Variants in MYL1 observed in about 807,000 individuals in gnomAD.
The protein encoded by MYL1 is myosin light chain 1.
A neutral mutation model predicts 21.8 loss-of-function variants in MYL1; 16 were observed. That is an observed-to-expected ratio of 0.74 (90% confidence interval 0.50 to 1.12). MYL1 has a LOEUF of 1.12. MYL1 is among the 50% of genes most tolerant of loss of function. The pLI, the probability that MYL1 is intolerant of heterozygous loss-of-function variation, is 0.00. For missense variants in MYL1, 246 were observed against 241.0 expected, an observed-to-expected ratio of 1.02 and a Z score of -0.14; for synonymous variants, 99 against 85.2, an observed-to-expected ratio of 1.16 and a Z score of -0.89.
At chr2:210,303,869 T>A (rs1313112337) in intron 1 of MYL1, among the ~76,000 whole-genome samples, 1 of 152,220 alleles carries the variant, frequency 6.6e-6, no homozygotes, top group African/African-American at 2.4e-5. Context: ...TTGGAGCATC[T>A]TCCTTTAAGA....
At chr2:210,311,952 T>C (rs1380921600) in intron 1 of MYL1, among the ~76,000 whole-genome samples, 1 of 152,018 alleles carries the variant, frequency 6.6e-6, no homozygotes, top group Non-Finnish European at 1.5e-5. Flanking sequence ...CAAGTAAGCA[T>C]TCCTTCAGAG....
intron 1 of MYL1, chr2:210,302,847 A>G (rs1029493496): frequency 5.9e-6 from 9 of 1,533,120 alleles, no homozygotes; most frequent in African/African-American, 1.4e-5. Context: ...TTTCAAATGC[A>G]TTGACAGAAG....
intron 1 of MYL1, among the ~76,000 whole-genome samples, chr2:210,306,987 T>C (rs1385771548): frequency 6.6e-6 from 1 of 152,154 alleles, no homozygotes; most frequent in Non-Finnish European, 1.5e-5. Flanking sequence ...TGTCATCAAT[T>C]AGTTTTAAAG....
Position 210,293,767 on chromosome 2 carries a change from A to C in MYL1, c.512T>G (p.Leu171Arg), listed in dbSNP as rs1690122016. The change falls in exon 5 of 7, where the codon CTG (leucine) becomes CGG (arginine). Residue 171 changes from leucine to arginine, a missense_variant. Transcript: ENST00000352451. Reference protein sequence around the residue: ...EKMKEEEVEALMAGQEDSNGC... With the variant: ...EKMKEEEVEARMAGQEDSNGC... ...ATTGGAGTCTTCTTGACCTGCCATCAGGGCTTCCACTTCTTCCTCTTTCAT... is the reference window on the plus strand; with the variant it reads ...ATTGGAGTCTTCTTGACCTGCCATCCGGGCTTCCACTTCTTCCTCTTTCAT... 6.2e-7 allele frequency: 1 copy of C among 1,613,962 alleles called. No homozygotes were observed. Among genetic ancestry groups the C allele is most frequent in the African/African-American group, 1.3e-5 (1 of 74,930 alleles).
intron 5 of MYL1, 21 bp downstream of exon 5, chr2:210,293,702 A>G: frequency 1.9e-6 from 3 of 1,610,514 alleles, no homozygotes; most frequent in Non-Finnish European, 2.5e-6. Flanking sequence ...TGCTGTAACC[A>G]CCAGTGAGCA....
chr2:210,298,917 T>C (rs1690221514), intron 2 of MYL1, among the ~76,000 whole-genome samples: 1 of 152,134 alleles, frequency 6.6e-6, no homozygotes, highest in East Asian at 1.9e-4. Context: ...CTCATATAAT[T>C]AACAAGATTA....
intron 1 of MYL1, among the ~76,000 whole-genome samples, chr2:210,304,179 A>G (rs1048458616): frequency 2.0e-5 from 3 of 152,200 alleles, no homozygotes; most frequent in African/African-American, 7.2e-5. Context: ...ATCTCCAATT[A>G]AAGATCACTC....
At chr2:210,306,348 C>A (rs1690341762) in intron 1 of MYL1, among the ~76,000 whole-genome samples, 1 of 150,666 alleles carries the variant, frequency 6.6e-6, no homozygotes, top group African/African-American at 2.4e-5. Flanking sequence ...GCCATTGTAC[C>A]CCAGCCTGGG....
At chr2:210,306,695 A>T (rs903164378) in intron 1 of MYL1, among the ~76,000 whole-genome samples, 4 of 151,882 alleles carry the variant, frequency 2.6e-5, no homozygotes, top group African/African-American at 9.7e-5. Context: ...ATAAATGGGA[A>T]ATCCAATTTT....
chr2:210,306,380 C>CA (rs370261153), intron 1 of MYL1, among the ~76,000 whole-genome samples: 16,203 of 117,332 alleles, frequency 0.14, 1,146 homozygotes, highest in African/African-American at 0.24. Flanking sequence ...GACTCCATCT[C>CA]AAAAAAAAAA....
In MYL1 at chr2:210,294,361, G is replaced by A; in HGVS notation, c.362C>T (p.Ser121Phe). Residue 121 changes from serine (S) to phenylalanine (F), a missense_variant, in exon 4 of 7, where the codon TCC (serine) becomes TTC (phenylalanine). Coordinates refer to ENST00000352451, the MANE Select transcript of MYL1 (RefSeq NM_079420.3). The part of the protein sequence containing the change: ...EQFLPMMQAI[S>F]NNKDQATYED... ...ATAGGTGGCCTGGTCCTTGTTGTTG[G>A]AAATGGCTTGCATCATAGGCAGAAA... 6.2e-7 allele frequency: 1 copy of A among 1,613,970 alleles called. No individual in the cohort carries two copies.
chr2:210,310,452 A>G (rs1024726392), intron 1 of MYL1, among the ~76,000 whole-genome samples: 1 of 152,112 alleles, frequency 6.6e-6, no homozygotes, highest in East Asian at 1.9e-4. Flanking sequence ...TATTAGCCTG[A>G]TAGCAAAAAT....
Position 210,314,175 on chromosome 2 carries a change from G to A in MYL1, c.132+736C>T, listed in dbSNP as rs182539966. On this transcript the variant is annotated intron_variant, in intron 1 of 6. Transcript: ENST00000352451. ...TCACATTTTTCTTAGTCCAAGATCA[G>A]TAGGCAAATACTCTAAGACATAAGC... 1.2e-4 allele frequency among the ~76,000 whole-genome samples: 19 copies of A among 152,226 alleles called. No homozygotes were observed. The East Asian group carries it at 3.3e-3, about 26-fold the overall frequency.
At chr2:210,295,596 A>G (rs904440827) in intron 3 of MYL1, among the ~76,000 whole-genome samples, 4 of 152,150 alleles carry the variant, frequency 2.6e-5, no homozygotes, top group Non-Finnish European at 4.4e-5. Context: ...TTGTGAGCCA[A>G]GATCATGCCA....
intron 3 of MYL1, among the ~76,000 whole-genome samples, chr2:210,296,071 C>G (rs1010801725): frequency 1.1e-4 from 16 of 152,270 alleles, no homozygotes; most frequent in East Asian, 5.8e-4. Flanking sequence ...TCTCATACCC[C>G]TCTCTCTGTT....
At chr2:210,299,000 T>A (rs1017201627) in intron 2 of MYL1, among the ~76,000 whole-genome samples, 2 of 152,186 alleles carry the variant, frequency 1.3e-5, no homozygotes, top group African/African-American at 2.4e-5. Flanking sequence ...TTTCAAATTA[T>A]GTAGAAAAAC....
At chr2:210,302,351 C>T (rs1193902920) in intron 2 of MYL1, 137 bp downstream of exon 2, 8 of 693,804 alleles carry the variant, frequency 1.2e-5, no homozygotes, top group East Asian at 3.1e-5. Flanking sequence ...TTAGAGTGAT[C>T]GAGAGCAATT....
chr2:210,293,028 T>C (rs1458453293), intron 5 of MYL1, among the ~76,000 whole-genome samples: 1 of 118,774 alleles, frequency 8.4e-6, no homozygotes, highest in Admixed American at 9.7e-5. Context: ...CCCCTCTCAT[T>C]CTCTTCTCTT....
At chr2:210,298,695 G>T in intron 2 of MYL1, 132 bp from the exon 3 acceptor site, 1 of 997,490 alleles carries the variant, frequency 1.0e-6, no homozygotes. Context: ...TGTTATCCTG[G>T]ATTCTCTTTT....
Sources: allele counts gnomAD v4.1 joint callset (sites outside exome capture counted in the v4.1 genomes callset), GRCh38; gene constraint gnomAD v4.1.1; transcripts MANE v1.5; gene names NCBI Gene and HGNC (gene_info 2026-07-23, HGNC 2026-07-21).